Variants in S100A8 observed in about 807,000 individuals in gnomAD.
S100A8 encodes protein S100-A8.
A neutral mutation model predicts 4.2 loss-of-function variants in S100A8; 1 was observed. The ratio of observed to expected loss-of-function variants is 0.24; its 90% confidence interval spans 0.08 to 1.12. S100A8 has a LOEUF of 1.12. Among genes scored for constraint, S100A8 ranks in the 50% most tolerant of loss-of-function variants. The probability of loss-of-function intolerance (pLI) is 0.53; values close to 1 mark genes in which losing one functional copy is unlikely to be tolerated. For missense variants in S100A8, 96 were observed against 111.8 expected, an observed-to-expected ratio of 0.86 and a Z score of 0.64; for synonymous variants, 41 against 44.7, an observed-to-expected ratio of 0.92 and a Z score of 0.33.
At chr1:153,418,885 A>G in the S100A8 span, among the ~76,000 whole-genome samples, 1 of 152,172 alleles carries the variant, frequency 6.6e-6, no homozygotes, top group Non-Finnish European at 1.5e-5. Context: ...TGCTCTCCCC[A>G]AGGTCACTTA....
At chr1:153,410,202 G>T in the S100A8 span, among the ~76,000 whole-genome samples, 1 of 152,030 alleles carries the variant, frequency 6.6e-6, no homozygotes, top group African/African-American at 2.4e-5. Context: ...CTGGTTTTTT[G>T]AAAAGATTAA....
At chr1:153,403,170 G>A in the S100A8 span, among the ~76,000 whole-genome samples, 1 of 152,194 alleles carries the variant, frequency 6.6e-6, no homozygotes, top group South Asian at 2.1e-4. Context: ...CAAGACCTCA[G>A]TCTTGAAGAT....
At chr1:153,392,812 C>T (rs1326445298), upstream of S100A8, among the ~76,000 whole-genome samples, 1 of 152,178 alleles carries the variant, frequency 6.6e-6, no homozygotes, top group Non-Finnish European at 1.5e-5. Context: ...CTTTCACCCT[C>T]CAAAATAAAT....
the S100A8 span, among the ~76,000 whole-genome samples, chr1:153,405,044 A>T: frequency 6.6e-6 from 1 of 151,912 alleles, no homozygotes; most frequent in African/African-American, 2.4e-5. Flanking sequence ...TGTAAGTCAG[A>T]ATCCTACAGT....
chr1:153,403,492 C>T, the S100A8 span, among the ~76,000 whole-genome samples: 1 of 152,188 alleles, frequency 6.6e-6, no homozygotes, highest in Admixed American at 6.5e-5. Context: ...TCTGACACGA[C>T]TCTTGCTCAA....
intron 1 of S100A8, 138 bp downstream of exon 1, chr1:153,390,903 A>C: frequency 1.8e-6 from 1 of 559,802 alleles, no homozygotes. Flanking sequence ...TCCCTGCCTC[A>C]CTCCCCACCT....
the S100A8 span, among the ~76,000 whole-genome samples, chr1:153,400,142 C>T: frequency 1.3e-5 from 2 of 152,134 alleles, no homozygotes; most frequent in Admixed American, 6.5e-5. Context: ...CTACCCATGG[C>T]CAGGGCAAGA....
chr1:153,413,813 A>C, the S100A8 span, among the ~76,000 whole-genome samples: 1 of 152,162 alleles, frequency 6.6e-6, no homozygotes, highest in Non-Finnish European at 1.5e-5. Context: ...AGGCAGGAGA[A>C]TCGCTTGAAC....
Position 153,390,201 on chromosome 1 carries a change from T to A in S100A8, c.184A>T (p.Thr62Ser), listed in dbSNP as rs1318675982. 3.1e-6 allele frequency: 5 copies of A among 1,613,890 alleles called. No individual in the cohort carries two copies. The highest frequency in any genetic ancestry group is 1.6e-4 in the Middle Eastern group (1 of 6,082). The change falls in exon 3 of 3, where the codon ACT becomes TCT. Residue 62 changes from threonine (T) to serine (S), a missense_variant. Physicochemically the swap from Thr to Ser is moderately conservative, Grantham distance 58. Transcript: ENST00000368733. The part of the protein sequence containing the change: ...DVWFKELDIN[T>S]DGAVNFQEFL... ...TCCTGGAAGTTAACTGCACCATCAG[T>A]GTTGATATCCAACTCTTTGAACCAG...
At chr1:153,408,985 C>A in the S100A8 span, among the ~76,000 whole-genome samples, 1 of 152,186 alleles carries the variant, frequency 6.6e-6, no homozygotes, top group Non-Finnish European at 1.5e-5. Context: ...AAGCACTAAA[C>A]ATGGAAAGGA....
At chr1:153,399,358 T>A in the S100A8 span, among the ~76,000 whole-genome samples, 2 of 152,136 alleles carry the variant, frequency 1.3e-5, no homozygotes, top group South Asian at 4.1e-4. Context: ...GGGGCCCACA[T>A]CCCTTGGAGC....
the S100A8 span, among the ~76,000 whole-genome samples, chr1:153,405,184 T>C: frequency 2.6e-5 from 4 of 151,502 alleles, no homozygotes; most frequent in African/African-American, 7.3e-5. Flanking sequence ...ATTGCCAACT[T>C]GAAATTTGGT....
chr1:153,396,677 T>C, the S100A8 span: 1 of 152,402 alleles, frequency 6.6e-6, no homozygotes, highest in Non-Finnish European at 1.5e-5. Flanking sequence ...TTGCCCAAGA[T>C]GTAGAGGAAC....
the S100A8 span, chr1:153,422,076 TC>T: frequency 6.6e-6 from 1 of 152,212 alleles, no homozygotes; most frequent in Non-Finnish European, 1.5e-5. Flanking sequence ...GGCATACAGT[TC>T]CTAGTTAAGA....
the S100A8 span, chr1:153,419,028 G>A: frequency 1.9e-5 from 21 of 1,110,394 alleles, no homozygotes; most frequent in Middle Eastern, 6.2e-4. Context: ...TCAGCCCCAC[G>A]ACCATGCCTG....
the S100A8 span, among the ~76,000 whole-genome samples, chr1:153,406,414 G>A: frequency 2.6e-5 from 4 of 151,756 alleles, no homozygotes; most frequent in African/African-American, 7.3e-5. Flanking sequence ...GGGGGCTTCC[G>A]GGCTCTGTCC....
the S100A8 span, among the ~76,000 whole-genome samples, chr1:153,399,760 G>A: frequency 6.6e-6 from 1 of 152,144 alleles, no homozygotes; most frequent in Non-Finnish European, 1.5e-5. Context: ...AGTTGGGGGG[G>A]ACTTCCTTAG....
the S100A8 span, chr1:153,418,046 A>T: frequency 6.2e-7 from 1 of 1,612,182 alleles, no homozygotes; most frequent in Non-Finnish European, 8.5e-7. Flanking sequence ...GTAAGAAATG[A>T]TTGTCTTTAT....
At chr1:153,408,757 C>T in the S100A8 span, among the ~76,000 whole-genome samples, 1 of 152,202 alleles carries the variant, frequency 6.6e-6, no homozygotes, top group Non-Finnish European at 1.5e-5. Context: ...AAGGGAAGCC[C>T]ATCACACTAA....
Sources: gnomAD v4.1 joint callset for allele counts (sites outside exome capture counted in the v4.1 genomes callset) on GRCh38, gnomAD v4.1.1 for gene constraint, MANE v1.5 for transcripts, NCBI Gene and HGNC (gene_info 2026-07-23, HGNC 2026-07-21) for gene names.